Variants in NKAIN3 observed in about 807,000 individuals in gnomAD.
NKAIN3 encodes sodium/potassium transporting ATPase interacting 3.
NKAIN3 carries 25 observed loss-of-function variants against 30.2 expected under a neutral mutation model. The ratio of observed to expected loss-of-function variants is 0.83; its 90% CI spans 0.60 to 1.16. The LOEUF is 1.16. Among genes scored for constraint, NKAIN3 ranks in the 50% most tolerant of loss-of-function variants. The pLI, the probability that NKAIN3 is intolerant of heterozygous loss-of-function variation, is 0.00. For synonymous variants in NKAIN3, 91 were observed against 89.6 expected, an observed-to-expected ratio of 1.02 and a Z score of -0.09; for missense variants, 225 against 254.1, an observed-to-expected ratio of 0.89 and a Z score of 0.78.
At chr8:62,616,904 C>A (rs1163846889) in intron 3 of NKAIN3, among the ~76,000 whole-genome samples, 1 of 152,142 alleles carries the variant, frequency 6.6e-6, no homozygotes, top group Non-Finnish European at 1.5e-5. Context: ...GTAGTTGGGG[C>A]CTACTGGGAG....
chr8:62,452,933 C>T (rs1278536566), intron 1 of NKAIN3, among the ~76,000 whole-genome samples: 1 of 152,092 alleles, frequency 6.6e-6, no homozygotes, highest in East Asian at 1.9e-4. Context: ...AAGTGTACAT[C>T]ACTCGGCATA....
rs566948369 is a variant in NKAIN3, at chr8:62,718,205, A to G, written c.274-28727A>G. Reference sequence around the variant, plus strand: ...CCACAACACGTGGGAATTCTGGGAGATACAATTCAAGTTGAGATTTGGGTG... The same window carrying G: ...CCACAACACGTGGGAATTCTGGGAGGTACAATTCAAGTTGAGATTTGGGTG... On this transcript the variant is annotated intron_variant, in intron 3 of 6. Coordinates refer to ENST00000623646, the MANE Select transcript of NKAIN3 (RefSeq NM_001304533.3). Among the ~76,000 whole-genome samples, 688 of 152,326 alleles carry G rather than the reference A, an allele frequency of 4.5e-3. 6 individuals are homozygous for G. The highest frequency in any genetic ancestry group is 0.016 in the African/African-American group (661 of 41,570).
intron 4 of NKAIN3, among the ~76,000 whole-genome samples, chr8:62,913,854 G>A (rs182712786): frequency 1.3e-5 from 2 of 152,284 alleles, no homozygotes; most frequent in East Asian, 3.9e-4. Context: ...TTTGAAATGT[G>A]CTATTTAAAA....
chr8:62,821,663 C>T (rs1818851647), intron 4 of NKAIN3, among the ~76,000 whole-genome samples: 1 of 152,020 alleles, frequency 6.6e-6, no homozygotes, highest in Non-Finnish European at 1.5e-5. Context: ...TCCTGATCTA[C>T]ATCTTTAACA....
chr8:62,274,901 C>T (rs1370710170), intron 1 of NKAIN3, among the ~76,000 whole-genome samples: 7 of 152,072 alleles, frequency 4.6e-5, no homozygotes, highest in Non-Finnish European at 1.0e-4. Context: ...CAGTTTCATC[C>T]ATGTCCCTAC....
chr8:62,845,463 G>A (rs975303752), intron 4 of NKAIN3, among the ~76,000 whole-genome samples: 3 of 151,532 alleles, frequency 2.0e-5, no homozygotes, highest in Admixed American at 6.6e-5. Context: ...ACCTGAATAT[G>A]AGTCCTGTCC....
chr8:62,379,876 T>C (rs1817214960), intron 1 of NKAIN3, among the ~76,000 whole-genome samples: 2 of 152,180 alleles, frequency 1.3e-5, no homozygotes, highest in African/African-American at 4.8e-5. Flanking sequence ...AAACTGACTA[T>C]AAATAATAGG....
intron 4 of NKAIN3, among the ~76,000 whole-genome samples, chr8:62,854,374 T>C (rs758419154): frequency 9.9e-5 from 15 of 152,248 alleles, no homozygotes; most frequent in Non-Finnish European, 1.9e-4. Context: ...TTTATGCATC[T>C]GGGTGCCCCT....
intron 1 of NKAIN3, among the ~76,000 whole-genome samples, chr8:62,565,258 T>C (rs980272867): frequency 2.0e-5 from 3 of 152,076 alleles, no homozygotes; most frequent in Non-Finnish European, 2.9e-5. Context: ...AAGCTCTCCC[T>C]TTATAAACAT....
At chr8:62,260,147 A>G (rs1812390074) in intron 1 of NKAIN3, among the ~76,000 whole-genome samples, 1 of 152,124 alleles carries the variant, frequency 6.6e-6, no homozygotes, top group Admixed American at 6.6e-5. Context: ...TCATAAATAT[A>G]TTTCTGAAAG....
At chr8:62,625,266 G>A (rs944577797) in intron 3 of NKAIN3, among the ~76,000 whole-genome samples, 6 of 151,994 alleles carry the variant, frequency 3.9e-5, no homozygotes, top group African/African-American at 1.2e-4. Context: ...TCTTTTCATA[G>A]CTGACTTTAA....
At chr8:62,993,170 C>G (rs1804004027) in intron 5 of NKAIN3, among the ~76,000 whole-genome samples, 1 of 152,120 alleles carries the variant, frequency 6.6e-6, no homozygotes, top group Non-Finnish European at 1.5e-5. Context: ...CCACATTCCT[C>G]AGGCCAGAAC....
In NKAIN3 at chr8:62,982,450, A is replaced by G. The variant is rs969792278; in HGVS notation, c.*17043A>G. 6.6e-6 allele frequency: 1 copy of G among 152,214 alleles called. No individual in the cohort carries two copies. The highest frequency in any genetic ancestry group is 1.5e-5 in the Non-Finnish European group (1 of 68,028). The allele number at this position is 152,214 out of a possible 1,614,324, so 9.4% of individuals were successfully genotyped here. The stretch of plus-strand genomic sequence containing the variant: ...GCAGTCATTATGGTCTTGTTAAATA[A>G]TTAGATTTGTGTAAACTATATTTTA... On this transcript the variant is annotated 3_prime_UTR_variant, in exon 7 of 7. Transcript: ENST00000623646.
intron 3 of NKAIN3, among the ~76,000 whole-genome samples, chr8:62,686,521 A>G (rs1813804849): frequency 6.6e-6 from 1 of 152,212 alleles, no homozygotes; most frequent in African/African-American, 2.4e-5. Context: ...GCAGCAAACC[A>G]TTACCTTCTG....
rs1351661017 is a variant in NKAIN3 at position 62,402,192 on chromosome 8, G to A, written c.54+153065G>A. ...CACATGCAGAGGTTTTGCTCCCCATGGTCACCACCACCCAAGCCTGTGGTG... is the reference window on the plus strand; with the variant it reads ...CACATGCAGAGGTTTTGCTCCCCATAGTCACCACCACCCAAGCCTGTGGTG... On this transcript the variant is annotated intron_variant, in intron 1 of 6. Transcript: ENST00000623646. 2.6e-5 allele frequency among the ~76,000 whole-genome samples: 4 copies of A among 152,202 alleles called. No individual in the cohort carries two copies. The East Asian group carries it at 7.7e-4, about 29-fold the overall frequency.
intron 1 of NKAIN3, among the ~76,000 whole-genome samples, chr8:62,383,024 G>A (rs1817323594): frequency 6.6e-6 from 1 of 152,038 alleles, no homozygotes; most frequent in Non-Finnish European, 1.5e-5. Context: ...CATGTTTAAT[G>A]AGCCTCAAAG....
intron 4 of NKAIN3, among the ~76,000 whole-genome samples, chr8:62,890,126 T>G (rs973748036): frequency 1.3e-5 from 2 of 152,252 alleles, no homozygotes; most frequent in African/African-American, 4.8e-5. Context: ...ACAACTACCC[T>G]TCTTCAATCA....
intron 4 of NKAIN3, among the ~76,000 whole-genome samples, chr8:62,764,970 C>T (rs997196108): frequency 3.3e-5 from 5 of 152,080 alleles, no homozygotes; most frequent in African/African-American, 9.7e-5. Flanking sequence ...GTTCTCTAGG[C>T]GTGGTGGCTC....
intron 1 of NKAIN3, among the ~76,000 whole-genome samples, chr8:62,318,757 G>T (rs752986358): frequency 2.0e-5 from 3 of 152,120 alleles, no homozygotes; most frequent in Non-Finnish European, 4.4e-5. Context: ...GAGGATTTTT[G>T]CATCGATATT....
Sources: allele counts gnomAD v4.1 joint callset (sites outside exome capture counted in the v4.1 genomes callset), GRCh38; gene constraint gnomAD v4.1.1; transcripts MANE v1.5; gene names NCBI Gene and HGNC (gene_info 2026-07-23, HGNC 2026-07-21).